The following ZNF775 variants were observed in gnomAD, a reference collection of about 807,000 sequenced individuals.
ZNF775 encodes zinc finger protein 775.
A neutral mutation model predicts 2.4 loss-of-function variants in ZNF775; 1 was observed. That is an observed-to-expected ratio of 0.41 (90% confidence interval 0.15 to 1.94). ZNF775 has a LOEUF of 1.94. Among genes scored for constraint, ZNF775 ranks in the 30% most tolerant of loss-of-function variants. The pLI, the probability that ZNF775 is intolerant of heterozygous loss-of-function variation, is 0.30. For missense variants in ZNF775, 823 were observed against 826.6 expected (o/e 1.00, Z 0.05); for synonymous variants, 381 against 373.3 (o/e 1.02, Z -0.24).
intron 2 of ZNF775, among the ~76,000 whole-genome samples, chr7:150,394,820 T>C (rs768995617): frequency 2.0e-5 from 3 of 152,236 alleles, no homozygotes; most frequent in Non-Finnish European, 4.4e-5. Flanking sequence ...CCATCTTTGC[T>C]TTCCTGGGGA....
In ZNF775 at chr7:150,396,895, C is replaced by T; in HGVS notation, c.414C>T (p.Gly138=). 1 of 1,602,542 alleles carries T rather than the reference C, an allele frequency of 6.2e-7. No individual in the cohort carries two copies. Among genetic ancestry groups the T allele is most frequent in the South Asian group, 1.1e-5 (1 of 91,060 alleles). ...THTGEKPYLC[G]KCGKSFSQKP... ...CCGGGGAGAAGCCGTACCTCTGCGG[C>T]AAGTGCGGCAAGAGCTTCAGCCAGA... The change falls in exon 3 of 3, where the codon GGC becomes GGT. Residue 138 remains glycine, a synonymous_variant. Coordinates refer to ENST00000329630, the MANE Select transcript of ZNF775 (RefSeq NM_173680.4).
chr7:150,386,293 AAAAT>A (rs1464654232), intron 1 of ZNF775, among the ~76,000 whole-genome samples: 1 of 152,240 alleles, frequency 6.6e-6, no homozygotes, highest in African/African-American at 2.4e-5. Context: ...GCAAAAATAA[AAAAT>A]AAAGATTCAC....
At chr7:150,394,468 C>T (rs1800613157) in intron 2 of ZNF775, among the ~76,000 whole-genome samples, 1 of 152,172 alleles carries the variant, frequency 6.6e-6, no homozygotes, top group Non-Finnish European at 1.5e-5. Context: ...TTGGCTAGTT[C>T]CTCAAGGACA....
chr7:150,396,569 C>G lies in ZNF775; in HGVS notation c.88C>G (p.Leu30Val). The change falls in exon 3 of 3, where the codon CTG (leucine) becomes GTG (valine). Residue 30 changes from leucine to valine, a missense_variant. Leu to Val is a conservative substitution (Grantham distance 32). Coordinates refer to ENST00000329630, the MANE Select transcript of ZNF775 (RefSeq NM_173680.4). ...QEKPERLLQT[L>V]APQAMLVEKD... ...GAAGCCGGAGCGGCTGCTGCAGACG[C>G]TGGCGCCGCAGGCCATGCTTGTGGA... The G allele has an allele frequency of 1.2e-6, 2 of 1,606,074 alleles. No individual in the cohort carries two copies. The highest frequency in any genetic ancestry group is 8.5e-7 in the Non-Finnish European group (1 of 1,177,890).
At chr7:150,386,583 G>A (rs1431627443) in intron 1 of ZNF775, among the ~76,000 whole-genome samples, 5 of 152,110 alleles carry the variant, frequency 3.3e-5, no homozygotes, top group East Asian at 3.9e-4. Flanking sequence ...TGTTTCTGTG[G>A]GGGTGGCCGA....
rs111699681 is a variant in ZNF775, at chr7:150,384,715, C to T, written c.-49-3707C>T. ...CCTTCTGTCTCCATTTCTGTTCTTA[C>T]GTAAGCCACAGGCTGCTTCCCCTCG... On this transcript the variant is annotated intron_variant, in intron 1 of 2. Coordinates refer to ENST00000329630, the MANE Select transcript of ZNF775 (RefSeq NM_173680.4). The surrounding 1 kb of genome is among the most constrained non-coding windows in gnomAD (Gnocchi z 4.1). Among the ~76,000 whole-genome samples the T allele has an allele frequency of 4.6e-5, 7 of 152,260 alleles. No individual in the cohort carries two copies. Among genetic ancestry groups the T allele is most frequent in the South Asian group, 4.1e-4 (2 of 4,824 alleles).
In ZNF775 at chr7:150,397,764, C is replaced by A; in HGVS notation, c.1283C>A (p.Thr428Lys). 6.6e-7 allele frequency: 1 copy of A among 1,517,720 alleles called. No individual in the cohort carries two copies. Among genetic ancestry groups the A allele is most frequent in the Non-Finnish European group, 8.8e-7 (1 of 1,137,160 alleles). 94.0% of individuals were successfully genotyped at this position (1,517,720 alleles called of 1,614,324 possible). A position where few individuals can be genotyped will look rare whatever the true frequency, so the allele number is the denominator to read the frequency against. The change falls in exon 3 of 3, where the codon ACG (threonine) becomes AAG (lysine). Residue 428 changes from threonine to lysine, a missense_variant. Thr to Lys is a moderately conservative substitution (Grantham distance 78). Transcript: ENST00000329630. The part of the protein sequence containing the change: ...SSQRSPGARD[T>K]LWGRGQAGLA... ...CAACGGTCCCCGGGGGCCCGGGACA[C>A]GCTGTGGGGCCGGGGACAAGCGGGC...
chr7:150,398,058 CG>C lies in ZNF775; in HGVS notation c.1579del (p.Ala527ProfsTer42). 1 of 1,564,182 alleles carries C rather than the reference CG, an allele frequency of 6.4e-7. No homozygotes were observed. The highest frequency in any genetic ancestry group is 1.1e-5 in the South Asian group (1 of 87,096). On this transcript the variant is annotated frameshift_variant, in exon 3 of 3. Transcript: ENST00000329630. LOFTEE classifies it low-confidence loss of function (END_TRUNC). ...CTCAAGCACCAGCGCGTGCACCGCGCGGCCCCTGCGTGCAGCCCCAAGGAGG... is the reference window on the plus strand; with the variant it reads ...CTCAAGCACCAGCGCGTGCACCGCGCGCCCCTGCGTGCAGCCCCAAGGAGG... The part of the protein sequence containing the change: ...HLLKHQRVHR[A>X]APACSPKEEA...
At position 150,397,731 on chromosome 7, in the gene ZNF775, G is replaced by A. The variant is rs1219333444; in HGVS notation, c.1250G>A (p.Arg417Gln). 1.4e-6 allele frequency: 2 copies of A among 1,435,628 alleles called. No homozygotes were observed. Among genetic ancestry groups the A allele is most frequent in the Admixed American group, 5.8e-5 (2 of 34,444 alleles). The allele number at this position is 1,435,628 out of a possible 1,614,324, so 88.9% of individuals were successfully genotyped here. Residue 417 changes from arginine to glutamine, a missense_variant, in exon 3 of 3, where the codon CGG becomes CAG. Arg to Gln is a conservative substitution (Grantham distance 43). Transcript: ENST00000329630. ...EAIPGLAARPRSSQRSPGARD... is the reference protein window; with the variant it reads ...EAIPGLAARPQSSQRSPGARD... ...ATCCCGGGCTTGGCCGCGAGGCCGC[G>A]GAGCTCCCAACGGTCCCCGGGGGCC...
At chr7:150,393,561 G>T (rs1443364373) in intron 2 of ZNF775, among the ~76,000 whole-genome samples, 1 of 152,060 alleles carries the variant, frequency 6.6e-6, no homozygotes, top group Non-Finnish European at 1.5e-5. Context: ...CCAGAGTGGT[G>T]GCAGCACTTT....
rs1443356500 is a variant in ZNF775, at chr7:150,398,016, G to A, written c.1535G>A (p.Ser512Asn). 7.0e-6 allele frequency: 11 copies of A among 1,582,508 alleles called. No homozygotes were observed. Among genetic ancestry groups the A allele is most frequent in the East Asian group, 2.3e-5 (1 of 43,838 alleles). Residue 512 changes from serine (S) to asparagine (N), a missense_variant, in exon 3 of 3, where the codon AGC becomes AAC. Transcript: ENST00000329630. ...TGTCCCGCCTGCGGCCGCGGCTTCA[G>A]CCAGAAGCAGCACCTGCTCAAGCAC... is the stretch of plus-strand genomic sequence containing the variant. ...YLCPACGRGF[S>N]QKQHLLKHQR...
At position 150,396,840 on chromosome 7, in the gene ZNF775, C is replaced by T; in HGVS notation, c.359C>T (p.Ser120Leu). The change falls in exon 3 of 3, where the codon TCG (serine) becomes TTG (leucine). Residue 120 changes from serine to leucine, a missense_variant. By Grantham distance (145) the Ser-to-Leu change is moderately radical. Coordinates refer to ENST00000329630, the MANE Select transcript of ZNF775 (RefSeq NM_173680.4). ...TGCGGGAAGAGGTTCAGCTGGTGGT[C>T]GTCCCTGAAGATCCACCAGCGCACC... ...LDCGKRFSWW[S>L]SLKIHQRTHT... 1.9e-6 allele frequency: 3 copies of T among 1,602,136 alleles called. No homozygotes were observed. The highest frequency in any genetic ancestry group is 2.5e-6 in the Non-Finnish European group (3 of 1,178,990).
chr7:150,383,199 C>T (rs150354912), intron 1 of ZNF775, among the ~76,000 whole-genome samples: 222 of 152,260 alleles, frequency 1.5e-3, no homozygotes, highest in Non-Finnish European at 2.6e-3. Context: ...TCCCTATGAT[C>T]ATATATTTAA....
chr7:150,392,074 AT>A (rs1554486724), intron 2 of ZNF775, among the ~76,000 whole-genome samples: 1 of 152,152 alleles, frequency 6.6e-6, no homozygotes, highest in Non-Finnish European at 1.5e-5. Context: ...GATGTTTTAA[AT>A]TTAGTTTTTA....
In ZNF775 at chr7:150,397,674, G is replaced by C; in HGVS notation, c.1193G>C (p.Gly398Ala). 7.5e-7 allele frequency: 1 copy of C among 1,333,610 alleles called. No individual in the cohort carries two copies. The allele number at this position is 1,333,610 out of a possible 1,614,324, so 82.6% of individuals were successfully genotyped here. The change falls in exon 3 of 3, where the codon GGG becomes GCG. Residue 398 changes from glycine to alanine, a missense_variant. Transcript: ENST00000329630. ...HAVAEPAVPA[G>A]EPGDQPQAEA... ...GTCGCTGAGCCCGCCGTTCCGGCCG[G>C]GGAACCGGGCGACCAGCCGCAGGCC... is the stretch of plus-strand genomic sequence containing the variant.
rs746623646 is a variant in ZNF775, at chr7:150,397,482, A to C, written c.1001A>C (p.Glu334Ala). The change falls in exon 3 of 3, where the codon GAG (glutamate) becomes GCG (alanine). Residue 334 changes from glutamate to alanine, a missense_variant. Glu to Ala is a moderately radical substitution (Grantham distance 107, BLOSUM62 -1). Transcript: ENST00000329630. The part of the protein sequence containing the change: ...LTRHLRNHTG[E>A]RPHPCPHCGR... ...CGGCACCTGCGCAACCACACAGGCGAGCGCCCGCACCCCTGCCCGCACTGT... is the reference window on the plus strand; with the variant it reads ...CGGCACCTGCGCAACCACACAGGCGCGCGCCCGCACCCCTGCCCGCACTGT... The C allele has an allele frequency of 2.5e-6, 4 of 1,588,920 alleles. No individual in the cohort carries two copies. The Admixed American group carries it at 6.8e-5, about 27-fold the overall frequency.
At position 150,382,921 on chromosome 7, in the gene ZNF775, G is replaced by A. The variant is rs1379492509; in HGVS notation, c.-50+3529G>A. The A allele has an allele frequency of 6.6e-6, 1 of 152,462 alleles. No individual in the cohort carries two copies. The highest frequency in any genetic ancestry group is 1.5e-5 in the Non-Finnish European group (1 of 68,184). The allele number at this position is 152,462 out of a possible 1,614,324, so 9.4% of individuals were successfully genotyped here. A position where few individuals can be genotyped will look rare whatever the true frequency, so the allele number is the denominator to read the frequency against. ...GTGTACAAGGATACTTGTGTCATGGGTGGCTTTGCAGTTCTGTGTTCCTAA... is the reference window on the plus strand; with the variant it reads ...GTGTACAAGGATACTTGTGTCATGGATGGCTTTGCAGTTCTGTGTTCCTAA... On this transcript the variant is annotated intron_variant, in intron 1 of 2. Coordinates refer to ENST00000329630, the MANE Select transcript of ZNF775 (RefSeq NM_173680.4). This position sits in a 1 kb window ranked among gnomAD's most constrained non-coding sequence, Gnocchi z 4.6.
chr7:150,397,996 C>A lies in ZNF775; in HGVS notation c.1515C>A (p.Pro505=). The change falls in exon 3 of 3, where the codon CCC becomes CCA. Residue 505 remains proline, a synonymous_variant. Transcript: ENST00000329630. The part of the protein sequence containing the change: ...NHTGERPYLC[P]ACGRGFSQKQ... Reference sequence around the variant, plus strand: ...CAGGCGAGCGGCCCTACCTGTGTCCCGCCTGCGGCCGCGGCTTCAGCCAGA... The same window carrying A: ...CAGGCGAGCGGCCCTACCTGTGTCCAGCCTGCGGCCGCGGCTTCAGCCAGA... 6.3e-7 allele frequency: 1 copy of A among 1,589,394 alleles called. No individual in the cohort carries two copies. Among genetic ancestry groups the A allele is most frequent in the Non-Finnish European group, 8.5e-7 (1 of 1,174,060 alleles).
intron 2 of ZNF775, among the ~76,000 whole-genome samples, chr7:150,389,908 TGTGTGTG>T (rs1236848735): frequency 0.3 from 2,004 of 6,670 alleles, 122 homozygotes; most frequent in Admixed American, 0.31. Context: ...TGTGTGTGTG[TGTGTGTG>T]TGTGTTATGG....
Sources: allele counts gnomAD v4.1 joint callset (sites outside exome capture counted in the v4.1 genomes callset), GRCh38; gene constraint gnomAD v4.1.1; non-coding constraint Gnocchi (gnomAD v3.1); transcripts MANE v1.5; gene names NCBI Gene and HGNC (gene_info 2026-07-23, HGNC 2026-07-21).